Variants in FHOD3 observed in about 807,000 individuals in gnomAD.
The protein encoded by FHOD3 is formin homology 2 domain containing 3.
FHOD3 carries 90 observed loss-of-function variants against 173.0 expected under a neutral mutation model. The ratio of observed to expected loss-of-function variants is 0.52; its 90% CI spans 0.44 to 0.62. The LOEUF (loss-of-function observed/expected upper bound fraction) is 0.62, where lower values mean the gene tolerates loss of function less well. Ranked by LOEUF, FHOD3 falls within the 20% of genes least tolerant of loss-of-function variation. FHOD3 has a pLI of 0.00. For synonymous variants in FHOD3, 828 were observed against 823.0 expected (o/e 1.01, Z -0.10); for missense variants, 1,945 against 2,034.7 (o/e 0.96, Z 0.85).
Position 36,463,996 on chromosome 18 carries a change from A to G in FHOD3, c.338-37936A>G, listed in dbSNP as rs1407787127. On this transcript the variant is annotated intron_variant, in intron 3 of 28. Coordinates refer to ENST00000590592, the MANE Select transcript of FHOD3 (RefSeq NM_001281740.3). ...AAAATAGCTTCTTAAGCTCAAAAAT[A>G]TTGCTAGAATTGTTCTCAATAATAG... is the stretch of plus-strand genomic sequence containing the variant. Among the ~76,000 whole-genome samples the G allele has an allele frequency of 2.0e-5, 3 of 152,222 alleles. 1 individual carries two copies. Among genetic ancestry groups the G allele is most frequent in the African/African-American group, 7.2e-5 (3 of 41,464 alleles).
intron 1 of FHOD3, among the ~76,000 whole-genome samples, chr18:36,331,854 C>T (rs2045030521): frequency 6.6e-6 from 1 of 152,074 alleles, no homozygotes; most frequent in African/African-American, 2.4e-5. Flanking sequence ...ATAGGAGGAC[C>T]ATGGGAGACA....
chr18:36,311,585 A>G lies in FHOD3; in HGVS notation c.165+13585A>G, dbSNP rs552739867. ...TGCGTGGCCTCCAGCCCCAGGTGCC[A>G]TGTGCAATGGTGAGCCATGTTCCTT... On this transcript the variant is annotated intron_variant, in intron 1 of 28. Transcript: ENST00000590592. Among the ~76,000 whole-genome samples the G allele has an allele frequency of 7.9e-5, 12 of 152,278 alleles. No homozygotes were observed. The South Asian group carries it at 2.1e-3, about 26-fold the overall frequency.
chr18:36,474,725 A>G (rs972439720), intron 3 of FHOD3, among the ~76,000 whole-genome samples: 1 of 152,098 alleles, frequency 6.6e-6, no homozygotes, highest in African/African-American at 2.4e-5. Flanking sequence ...CACCTCTTAG[A>G]TCACCTTTGC....
At chr18:36,653,071 A>T in intron 12 of FHOD3, 142 bp downstream of exon 12, 1 of 1,157,256 alleles carries the variant, frequency 8.6e-7, no homozygotes, top group Non-Finnish European at 1.2e-6. Context: ...GCATAAACTT[A>T]AGTTGCTGAC....
In FHOD3 at chr18:36,693,397, C is replaced by T. The variant is rs777911547; in HGVS notation, c.2210C>T (p.Ser737Phe). Residue 737 changes from serine to phenylalanine, a missense_variant, in exon 17 of 29, where the codon TCC becomes TTC. Physicochemically the swap from Ser to Phe is radical, Grantham distance 155 (BLOSUM62 -2). Around this residue, in one of 5 missense-constraint regions of FHOD3, gnomAD observed 1,099 missense variants for 1,051.2 expected, o/e 1.05. Transcript: ENST00000590592. ...SQEALTVSAS[S>F]PGTPHHPQAS... ...GAGGCTCTCACGGTGTCTGCCTCCT[C>T]CCCAGGAACCCCTCACCATCCCCAA... 5 of 1,613,650 alleles carry T rather than the reference C, an allele frequency of 3.1e-6. No individual in the cohort carries two copies. The African/African-American group carries it at 5.3e-5, about 17-fold the overall frequency.
chr18:36,470,915 T>G (rs1315615899), intron 3 of FHOD3, among the ~76,000 whole-genome samples: 1 of 152,192 alleles, frequency 6.6e-6, no homozygotes, highest in East Asian at 1.9e-4. Flanking sequence ...TGATGGTGCC[T>G]TCCGTGGGGT....
chr18:36,449,473 TGA>T (rs1232047795), intron 3 of FHOD3, among the ~76,000 whole-genome samples: 2 of 152,168 alleles, frequency 1.3e-5, no homozygotes, highest in African/African-American at 4.8e-5. Context: ...GCCTAATGTC[TGA>T]GAGACAGAAA....
intron 3 of FHOD3, among the ~76,000 whole-genome samples, chr18:36,439,673 C>T (rs1184167805): frequency 6.6e-6 from 1 of 151,926 alleles, no homozygotes; most frequent in Non-Finnish European, 1.5e-5. Context: ...CCAGTGGTGT[C>T]ATTGAGTTTG....
At chr18:36,601,645 A>G (rs1838966690) in intron 7 of FHOD3, among the ~76,000 whole-genome samples, 1 of 152,218 alleles carries the variant, frequency 6.6e-6, no homozygotes, top group African/African-American at 2.4e-5. Context: ...GCATTTGGAA[A>G]CTACTGTATT....
intron 10 of FHOD3, among the ~76,000 whole-genome samples, chr18:36,636,916 T>C (rs969634012): frequency 2.6e-5 from 4 of 152,196 alleles, no homozygotes; most frequent in African/African-American, 9.7e-5. Flanking sequence ...TATATATTTT[T>C]TCATTCATAA....
At chr18:36,704,673 C>A (rs775008598) in intron 17 of FHOD3, among the ~76,000 whole-genome samples, 14 of 152,166 alleles carry the variant, frequency 9.2e-5, no homozygotes, top group Non-Finnish European at 1.6e-4. Context: ...CTGGCACGGG[C>A]CTTCACTGTT....
chr18:36,427,286 TAAAAAAAAAAAA>T (rs35854743), intron 3 of FHOD3, among the ~76,000 whole-genome samples: 30 of 79,488 alleles, frequency 3.8e-4, no homozygotes, highest in Non-Finnish European at 6.2e-4. Context: ...CTTGCTTCTC[TAAAAAAAAAAAA>T]AAAAAAAAAA....
At chr18:36,416,056 T>C (rs1913368) in intron 3 of FHOD3, among the ~76,000 whole-genome samples, 30,275 of 152,156 alleles carry the variant, frequency 0.2, 3,269 homozygotes, top group South Asian at 0.34. Context: ...TTTTTTGAGA[T>C]GGAGTTTCAC....
At chr18:36,642,834 A>G (rs1253132698) in intron 10 of FHOD3, among the ~76,000 whole-genome samples, 7 of 151,988 alleles carry the variant, frequency 4.6e-5, no homozygotes, top group Non-Finnish European at 1.0e-4. Flanking sequence ...TGGGTAACCA[A>G]TACTTAAATA....
chr18:36,427,781 T>C lies in FHOD3; in HGVS notation c.337+55037T>C, dbSNP rs77292102. Among the ~76,000 whole-genome samples, 449 of 152,342 alleles carry C rather than the reference T, an allele frequency of 2.9e-3. 2 individuals carry two copies. Among genetic ancestry groups the C allele is most frequent in the East Asian group, 0.011 (57 of 5,184 alleles). ...TGAAATGGGTAGATGGATGGATGAA[T>C]GGATATGTAAATGATTCCACAAAAA... is the stretch of plus-strand genomic sequence containing the variant. On this transcript the variant is annotated intron_variant, in intron 3 of 28. Coordinates refer to ENST00000590592, the MANE Select transcript of FHOD3 (RefSeq NM_001281740.3).
At chr18:36,588,934 G>A (rs2059125270) in intron 6 of FHOD3, among the ~76,000 whole-genome samples, 1 of 152,286 alleles carries the variant, frequency 6.6e-6, no homozygotes, top group Admixed American at 6.5e-5. Context: ...CAGCCTCCCT[G>A]TCGCAGAGCT....
intron 9 of FHOD3, among the ~76,000 whole-genome samples, chr18:36,619,979 G>C (rs565211206): frequency 6.6e-6 from 1 of 152,272 alleles, no homozygotes; most frequent in South Asian, 2.1e-4. Flanking sequence ...TCAGAGCCTG[G>C]GGGACATTGA....
chr18:36,707,894 A>G (rs2039970278), intron 17 of FHOD3, among the ~76,000 whole-genome samples: 1 of 152,086 alleles, frequency 6.6e-6, no homozygotes, highest in Non-Finnish European at 1.5e-5. Context: ...ACACACCCTT[A>G]GAGTGCATTG....
rs59051454 is a variant in FHOD3 at position 36,625,452 on chromosome 18, T to C, written c.958-59T>C. ...GGCAATCCTGAAATGCAGTCACACCTGAGGTCTGTGAAAGGATGCCAAGCC... is the reference window on the plus strand; with the variant it reads ...GGCAATCCTGAAATGCAGTCACACCCGAGGTCTGTGAAAGGATGCCAAGCC... On this transcript the variant is annotated intron_variant, in intron 9 of 28. Transcript: ENST00000590592. The C allele has an allele frequency of 0.15, 199,268 of 1,328,756 alleles. 16,085 individuals are homozygous for C. Among genetic ancestry groups the C allele is most frequent in the African/African-American group, 0.23 (15,280 of 66,452 alleles). The allele number at this position is 1,328,756 out of a possible 1,614,324, so 82.3% of individuals were successfully genotyped here.
Sources: gnomAD v4.1 joint callset for allele counts (sites outside exome capture counted in the v4.1 genomes callset) on GRCh38, gnomAD v4.1.1 for gene constraint, gnomAD v4.1.1 regional missense constraint, MANE v1.5 for transcripts, NCBI Gene and HGNC (gene_info 2026-07-23, HGNC 2026-07-21) for gene names.